The following GALNS variants were observed in gnomAD, a reference collection of about 807,000 sequenced individuals.
The protein encoded by GALNS is galactosamine (N-acetyl)-6-sulfatase, also known as N-acetylgalactosamine-6-sulfatase.
A neutral mutation model predicts 65.9 loss-of-function variants in GALNS; 65 were observed. The ratio of observed to expected loss-of-function variants is 0.99; its 90% CI spans 0.81 to 1.21. GALNS has a LOEUF of 1.21. Ranked by LOEUF, GALNS falls within the 50% of genes most tolerant of loss-of-function variation. The pLI, the probability that GALNS is intolerant of heterozygous loss-of-function variation, is 0.00. For missense variants in GALNS, 776 were observed against 700.7 expected, an observed-to-expected ratio of 1.11 and a Z score of -1.21; for synonymous variants, 346 against 288.9, an observed-to-expected ratio of 1.20 and a Z score of -2.00.
chr16:88,854,148 T>C (rs892885260), intron 1 of GALNS, among the ~76,000 whole-genome samples: 24 of 152,134 alleles, frequency 1.6e-4, no homozygotes, highest in Non-Finnish European at 3.1e-4. Flanking sequence ...ACTTGAGACA[T>C]GCACACTCGT....
chr16:88,856,010 T>C (rs1967835485), intron 1 of GALNS: 6 of 601,622 alleles, frequency 1.0e-5, no homozygotes, highest in South Asian at 9.7e-5. Context: ...TTGGAGACAG[T>C]AGGGTTTCAA....
intron 12 of GALNS, among the ~76,000 whole-genome samples, chr16:88,818,468 C>G (rs1257066094): frequency 1.3e-5 from 2 of 152,224 alleles, no homozygotes; most frequent in Non-Finnish European, 2.9e-5. Context: ...CCCCAGCACT[C>G]ACTACTACGT....
chr16:88,854,277 A>C (rs1314660178), intron 1 of GALNS, among the ~76,000 whole-genome samples: 2 of 152,224 alleles, frequency 1.3e-5, no homozygotes, highest in East Asian at 1.9e-4. Flanking sequence ...ACCGGTCTGC[A>C]GTGCAGGAAG....
chr16:88,841,171 G>C, intron 3 of GALNS, 77 bp from the exon 4 acceptor site: 7 of 1,127,932 alleles, frequency 6.2e-6, no homozygotes, highest in Non-Finnish European at 9.4e-6. Context: ...AGGACACTGG[G>C]GGCTGCGTCC....
At chr16:88,833,739 C>T (rs980532976) in intron 8 of GALNS, among the ~76,000 whole-genome samples, 6 of 152,202 alleles carry the variant, frequency 3.9e-5, no homozygotes, top group African/African-American at 1.4e-4. Context: ...TGTGAGCCAC[C>T]ACGCCCAGCC....
rs1909419122 is a variant in GALNS at position 88,814,445 on chromosome 16, G to A, written c.1563C>T (p.Ser521=). ...PESIPKKCLW[S]H is the part of the protein sequence containing the mutation. ...GCCTGAGTCTGCGCAGGTGCTAGTG[G>A]GACCAGAGGCACTTCTTGGGAATGG... The change falls in exon 14 of 14, where the codon TCC becomes TCT. Residue 521 remains serine (S), a synonymous_variant. Coordinates refer to ENST00000268695, the MANE Select transcript of GALNS (RefSeq NM_000512.5). 14 of 1,559,438 alleles carry A rather than the reference G, an allele frequency of 9.0e-6. No individual in the cohort carries two copies. In the South Asian group the frequency reaches 1.5e-4, roughly 17 times the overall value.
chr16:88,827,263 G>A (rs542397409), intron 9 of GALNS: 4 of 252,728 alleles, frequency 1.6e-5, no homozygotes, highest in African/African-American at 6.6e-5. Flanking sequence ...AGCTGAGGCT[G>A]GACAGGAGCA....
At chr16:88,825,443 A>G (rs1340260375) in intron 10 of GALNS, among the ~76,000 whole-genome samples, 128 of 40,346 alleles carry the variant, frequency 3.2e-3, no homozygotes, top group South Asian at 5.1e-3. Context: ...CTAGGGCTGG[A>G]GTGCCTGGGC....
At position 88,843,011 on chromosome 16, in the gene GALNS, G is replaced by A. The variant is rs187939380; in HGVS notation, c.121-182C>T. On this transcript the variant is annotated intron_variant, in intron 1 of 13. Transcript: ENST00000268695. ...GCCTGCGTGCGTGCACGATGGGGCC[G>A]CTCCACGCCAGCCCAAACCTCAGCA... 4.4e-4 allele frequency: 674 copies of A among 1,525,832 alleles called. 3 individuals carry two copies. The East Asian group carries it at 0.014, about 31-fold the overall frequency. The allele number at this position is 1,525,832 out of a possible 1,614,324, so 94.5% of individuals were successfully genotyped here.
intron 8 of GALNS, among the ~76,000 whole-genome samples, chr16:88,834,571 CT>C (rs1360452996): frequency 1.5e-5 from 2 of 137,276 alleles, no homozygotes; most frequent in Non-Finnish European, 3.2e-5. Context: ...CAGGGCCCCC[CT>C]CAGCGTGGTC....
chr16:88,827,179 A>C, intron 9 of GALNS: 2 of 415,542 alleles, frequency 4.8e-6, no homozygotes, highest in East Asian at 4.8e-5. Flanking sequence ...CTAACACTGA[A>C]TGCCCTAAGG....
intron 1 of GALNS, chr16:88,855,790 C>T (rs1300327355): frequency 1.9e-6 from 1 of 526,996 alleles, no homozygotes; most frequent in Non-Finnish European, 3.4e-6. Context: ...GGCCCGTGGC[C>T]CCCACTGGTC....
chr16:88,853,527 C>T (rs550512535), intron 1 of GALNS, among the ~76,000 whole-genome samples: 11 of 152,296 alleles, frequency 7.2e-5, no homozygotes, highest in Admixed American at 2.0e-4. Flanking sequence ...GGCCCTGACT[C>T]TCCACTTCCT....
intron 8 of GALNS, among the ~76,000 whole-genome samples, chr16:88,833,262 C>A (rs1193483570): frequency 6.6e-6 from 1 of 152,104 alleles, no homozygotes; most frequent in Non-Finnish European, 1.5e-5. Flanking sequence ...GGCAAACACG[C>A]CAACACCCGC....
chr16:88,822,456 T>C (rs1910329423), intron 12 of GALNS, 133 bp downstream of exon 12: 1 of 1,215,906 alleles, frequency 8.2e-7, no homozygotes, highest in Admixed American at 1.8e-5. Flanking sequence ...CGTGTGGGTA[T>C]GAATAGCAAC....
intron 13 of GALNS, chr16:88,815,187 C>G: frequency 2.0e-6 from 2 of 985,488 alleles, no homozygotes; most frequent in South Asian, 4.7e-5. Flanking sequence ...GACTCGGCCT[C>G]TCAGCTCTGA....
At chr16:88,852,185 A>C (rs1252303919) in intron 1 of GALNS, among the ~76,000 whole-genome samples, 1 of 152,202 alleles carries the variant, frequency 6.6e-6, no homozygotes, top group Non-Finnish European at 1.5e-5. Context: ...AGCAATATTT[A>C]CTATTCTGCA....
chr16:88,848,679 C>T (rs2143008300), intron 1 of GALNS, among the ~76,000 whole-genome samples: 1 of 152,220 alleles, frequency 6.6e-6, no homozygotes, highest in Non-Finnish European at 1.5e-5. Context: ...TCGCTGGGTC[C>T]TGGTAAGTCA....
intron 1 of GALNS, chr16:88,843,485 A>G (rs2143005920): frequency 3.0e-6 from 1 of 332,704 alleles, no homozygotes; most frequent in African/African-American, 2.1e-5. Flanking sequence ...GGGTGTGGCC[A>G]CATTTGGAAG....
Sources: allele counts gnomAD v4.1 joint callset (sites outside exome capture counted in the v4.1 genomes callset), GRCh38; gene constraint gnomAD v4.1.1; transcripts MANE v1.5; gene names NCBI Gene and HGNC (gene_info 2026-07-23, HGNC 2026-07-21).